The following CAMTA1 variants were observed in gnomAD, a reference collection of about 807,000 sequenced individuals.
CAMTA1 encodes the protein calmodulin-binding transcription activator 1.
Under a neutral mutation model 170.9 loss-of-function variants are expected in CAMTA1, and 27 were observed. The ratio of observed to expected loss-of-function variants is 0.16; its 90% confidence interval spans 0.12 to 0.22. CAMTA1 has a LOEUF of 0.22. Ranked by LOEUF, CAMTA1 falls within the 10% of genes least tolerant of loss-of-function variation. The probability of loss-of-function intolerance (pLI) is 1.00; values close to 1 mark genes in which losing one functional copy is unlikely to be tolerated. For synonymous variants in CAMTA1, 833 were observed against 891.5 expected, an observed-to-expected ratio of 0.93 and a Z score of 1.17; for missense variants, 1,619 against 2,217.2, an observed-to-expected ratio of 0.73 and a Z score of 5.42.
chr1:7,091,292 C>T lies in CAMTA1; in HGVS notation c.235-12C>T. On this transcript the variant is annotated splice_polypyrimidine_tract_variant and intron_variant, in intron 3 of 22. Coordinates refer to ENST00000303635, the MANE Select transcript of CAMTA1 (RefSeq NM_015215.4). ...TAATTGTTGTTATTATCTTTTTATT[C>T]TTCTGTTTCAGGAAATTGCAGCTTA... The T allele has an allele frequency of 6.3e-7, 1 of 1,588,818 alleles. No individual in the cohort carries two copies. Among genetic ancestry groups the T allele is most frequent in the African/African-American group, 1.3e-5 (1 of 74,578 alleles).
At chr1:7,447,329 G>C (rs112798180) in intron 5 of CAMTA1, among the ~76,000 whole-genome samples, 2,059 of 151,070 alleles carry the variant, frequency 0.014, 49 homozygotes, top group African/African-American at 0.048. Flanking sequence ...TGGATGGCAT[G>C]ACACCGTCTG....
chr1:6,912,862 G>A (rs761469724), intron 3 of CAMTA1, among the ~76,000 whole-genome samples: 2 of 152,238 alleles, frequency 1.3e-5, no homozygotes, highest in Non-Finnish European at 2.9e-5. Context: ...AGTTGTTTCT[G>A]TTTCCACTGT....
At chr1:7,545,305 C>A (rs565699594) in intron 6 of CAMTA1, among the ~76,000 whole-genome samples, 1 of 152,178 alleles carries the variant, frequency 6.6e-6, no homozygotes, top group Non-Finnish European at 1.5e-5. Flanking sequence ...ATTTTAGCAT[C>A]TATGCAACAA....
Position 7,663,740 on chromosome 1 carries a change from C to T in CAMTA1, c.1193C>T (p.Thr398Met), listed in dbSNP as rs765946618. 16 of 1,613,886 alleles carry T rather than the reference C, an allele frequency of 9.9e-6. No individual in the cohort carries two copies. Among genetic ancestry groups the T allele is most frequent in the African/African-American group, 4.0e-5 (3 of 74,914 alleles). Residue 398 changes from threonine (T) to methionine (M), a missense_variant, in exon 9 of 23, where the codon ACG (threonine) becomes ATG (methionine). Physicochemically the swap from Thr to Met is moderately conservative, Grantham distance 81. Transcript: ENST00000303635. ...SVMGSLSQSA[T>M]VFMSEVTNEA... ...ATGGGGAGCTTGTCCCAGAGCGCCA[C>T]GGTGTTCATGTCAGAGGTCACCAAT...
At chr1:7,383,304 C>A (rs1048972857) in intron 5 of CAMTA1, among the ~76,000 whole-genome samples, 2 of 151,820 alleles carry the variant, frequency 1.3e-5, no homozygotes, top group Non-Finnish European at 2.9e-5. Context: ...CCTTGACACC[C>A]ACTGAACATT....
At chr1:7,103,301 C>T (rs1451643942) in intron 4 of CAMTA1, among the ~76,000 whole-genome samples, 1 of 127,128 alleles carries the variant, frequency 7.9e-6, no homozygotes, top group African/African-American at 3.2e-5. Context: ...GATGGGAGGA[C>T]TGAGGCACCG....
intron 5 of CAMTA1, among the ~76,000 whole-genome samples, chr1:7,261,235 C>T (rs144964217): frequency 4.6e-5 from 7 of 152,202 alleles, no homozygotes; most frequent in Non-Finnish European, 8.8e-5. Context: ...CTTTGTGCGT[C>T]GAGGATGCGT....
intron 3 of CAMTA1, among the ~76,000 whole-genome samples, chr1:7,073,072 G>A (rs901753758): frequency 2.6e-5 from 4 of 152,168 alleles, no homozygotes; most frequent in Non-Finnish European, 5.9e-5. Context: ...GAACCAAGGC[G>A]GCAGCAATTA....
chr1:7,765,205 A>C (rs1284976870), intron 22 of CAMTA1, among the ~76,000 whole-genome samples: 1 of 152,190 alleles, frequency 6.6e-6, no homozygotes, highest in Admixed American at 6.5e-5. Flanking sequence ...GCAGTACCAC[A>C]AACTGTGACT....
chr1:7,661,927 C>T, intron 8 of CAMTA1, 61 bp downstream of exon 8: 1 of 1,534,284 alleles, frequency 6.5e-7, no homozygotes, highest in Non-Finnish European at 8.8e-7. Flanking sequence ...TACCAGGCAG[C>T]CGTCATGGCT....
At position 7,745,102 on chromosome 1, in the gene CAMTA1, T is replaced by C. The variant is rs1027599316; in HGVS notation, c.4370+80T>C. The C allele has an allele frequency of 3.8e-6, 5 of 1,316,684 alleles. No homozygotes were observed. The African/African-American group carries it at 7.3e-5, about 19-fold the overall frequency. 81.6% of individuals were successfully genotyped at this position (1,316,684 alleles called of 1,614,324 possible). On this transcript the variant is annotated intron_variant, in intron 17 of 22. Transcript: ENST00000303635. ...GGCAGGGGAGGCTGATTGTATTTGA[T>C]GAATGCCGTGTCATAGAAGACCATA...
chr1:6,859,155 T>C (rs1347068911), intron 3 of CAMTA1, among the ~76,000 whole-genome samples: 1 of 152,218 alleles, frequency 6.6e-6, no homozygotes, highest in Non-Finnish European at 1.5e-5. Flanking sequence ...AGCAATTTGA[T>C]TTATATCCTT....
At chr1:6,962,814 C>T (rs1192253625) in intron 3 of CAMTA1, among the ~76,000 whole-genome samples, 5 of 146,766 alleles carry the variant, frequency 3.4e-5, no homozygotes, top group Admixed American at 3.4e-4. Flanking sequence ...CCATCTGGCT[C>T]CTCCCACCCA....
intron 3 of CAMTA1, among the ~76,000 whole-genome samples, chr1:6,914,762 T>C (rs1680439375): frequency 1.3e-5 from 2 of 152,242 alleles, no homozygotes; most frequent in South Asian, 2.1e-4. Context: ...GAGGCGCTCA[T>C]GTGGCCAGGG....
At chr1:6,802,118 G>C (rs1040393223) in intron 1 of CAMTA1, among the ~76,000 whole-genome samples, 1 of 152,150 alleles carries the variant, frequency 6.6e-6, no homozygotes, top group African/African-American at 2.4e-5. Context: ...GTAGCCTCTC[G>C]GGACAGAAAC....
At chr1:6,877,178 AG>A (rs1670146913) in intron 3 of CAMTA1, among the ~76,000 whole-genome samples, 1 of 152,246 alleles carries the variant, frequency 6.6e-6, no homozygotes, top group African/African-American at 2.4e-5. Context: ...AAACAGTCAA[AG>A]TAATCATCCT....
chr1:6,891,856 A>G (rs909625080), intron 3 of CAMTA1, among the ~76,000 whole-genome samples: 1 of 152,204 alleles, frequency 6.6e-6, no homozygotes, highest in African/African-American at 2.4e-5. Context: ...CACAGACAAC[A>G]TCTCATTTGG....
intron 7 of CAMTA1, among the ~76,000 whole-genome samples, chr1:7,649,458 T>C (rs1432801382): frequency 6.6e-6 from 1 of 152,194 alleles, no homozygotes; most frequent in Admixed American, 6.5e-5. Flanking sequence ...TCCTGGAATC[T>C]CCAGGTGGGT....
rs2092614543 is a variant in CAMTA1 at position 7,443,913 on chromosome 1, G to A, written c.439-23917G>A. 6.6e-6 allele frequency among the ~76,000 whole-genome samples: 1 copy of A among 152,190 alleles called. No homozygotes were observed. The highest frequency in any genetic ancestry group is 2.1e-4 in the South Asian group (1 of 4,818). Reference sequence around the variant, plus strand: ...TCACCCATGCCTCTGCCTGGACACAGGACCAGGAAATGCCATCCCCAGTCT... The same window carrying A: ...TCACCCATGCCTCTGCCTGGACACAAGACCAGGAAATGCCATCCCCAGTCT... On this transcript the variant is annotated intron_variant, in intron 5 of 22. Transcript: ENST00000303635. The surrounding 1 kb of genome is among the most constrained non-coding windows in gnomAD (Gnocchi z 4.1).
Sources: allele counts gnomAD v4.1 joint callset (sites outside exome capture counted in the v4.1 genomes callset), GRCh38; gene constraint gnomAD v4.1.1; non-coding constraint Gnocchi (gnomAD v3.1); transcripts MANE v1.5; gene names NCBI Gene and HGNC (gene_info 2026-07-23, HGNC 2026-07-21).